Variants in DOCK9 observed in about 807,000 individuals in gnomAD.
DOCK9 encodes dedicator of cytokinesis protein 9.
In DOCK9, 89 loss-of-function variants were observed where a neutral mutation model predicts 263.3. The observed-to-expected ratio is 0.34, with a 90% CI of 0.28 to 0.40. The LOEUF is 0.40. Among genes scored for constraint, DOCK9 ranks in the 10% least tolerant of loss-of-function variants. The pLI is 1.00. For missense variants in DOCK9, 2,140 were observed against 2,603.4 expected, an observed-to-expected ratio of 0.82 and a Z score of 3.87; for synonymous variants, 976 against 973.1, an observed-to-expected ratio of 1.00 and a Z score of -0.06.
chr13:99,044,620 C>T (rs1888782945), intron 1 of DOCK9, among the ~76,000 whole-genome samples: 1 of 152,094 alleles, frequency 6.6e-6, no homozygotes, highest in African/African-American at 2.4e-5. Flanking sequence ...TAAAAATGTG[C>T]AAATTTTGCC....
At chr13:99,027,627 T>C (rs1485452307) in intron 1 of DOCK9, among the ~76,000 whole-genome samples, 1 of 152,222 alleles carries the variant, frequency 6.6e-6, no homozygotes, top group Non-Finnish European at 1.5e-5. Context: ...ATACGGTAAA[T>C]GTGTGTAAAA....
intron 1 of DOCK9, among the ~76,000 whole-genome samples, chr13:99,021,769 A>G (rs1886138535): frequency 1.3e-5 from 2 of 152,098 alleles, no homozygotes; most frequent in Non-Finnish European, 2.9e-5. Context: ...CAAACACCGC[A>G]TGTTCTCATA....
intron 1 of DOCK9, among the ~76,000 whole-genome samples, chr13:99,080,481 G>C: frequency 6.6e-6 from 1 of 152,306 alleles, no homozygotes; most frequent in Non-Finnish European, 1.5e-5. Flanking sequence ...TGTGTTCTCA[G>C]CCAATCAATG....
At chr13:98,894,527 T>C (rs1256880444) in intron 15 of DOCK9, among the ~76,000 whole-genome samples, 2 of 152,130 alleles carry the variant, frequency 1.3e-5, no homozygotes, top group Non-Finnish European at 2.9e-5. Context: ...TCCTTAATAA[T>C]ATAGTGTATT....
chr13:98,879,141 A>G (rs1228483122), intron 27 of DOCK9, among the ~76,000 whole-genome samples: 8 of 152,194 alleles, frequency 5.3e-5, no homozygotes, highest in African/African-American at 1.7e-4. Context: ...TGTTTACTAC[A>G]TTGGAACTTT....
chr13:99,069,504 T>C (rs2142358440), intron 1 of DOCK9, among the ~76,000 whole-genome samples: 1 of 152,332 alleles, frequency 6.6e-6, no homozygotes, highest in South Asian at 2.1e-4. Context: ...CACACAAGTG[T>C]AAACAAAGTA....
chr13:98,928,022 A>AC (rs2053313710), intron 3 of DOCK9, among the ~76,000 whole-genome samples: 3 of 151,514 alleles, frequency 2.0e-5, no homozygotes, highest in Middle Eastern at 3.4e-3. Context: ...AAAAAAAACA[A>AC]AAAAAAACTC....
At chr13:98,976,908 TG>T (rs2060330867) in intron 1 of DOCK9, among the ~76,000 whole-genome samples, 1 of 149,578 alleles carries the variant, frequency 6.7e-6, no homozygotes, top group African/African-American at 2.5e-5. Context: ...AAACACTTCA[TG>T]GTAACATCAA....
chr13:98,978,271 G>C (rs1178027551), upstream of DOCK9, among the ~76,000 whole-genome samples: 3 of 152,248 alleles, frequency 2.0e-5, no homozygotes, highest in Admixed American at 1.3e-4. Flanking sequence ...ATACTGCAGT[G>C]TTTAAAAGAA....
intron 2 of DOCK9, chr13:98,950,329 TG>T: frequency 2.4e-6 from 2 of 832,698 alleles, no homozygotes; most frequent in Non-Finnish European, 2.0e-6. Context: ...TCCTTTCTTC[TG>T]CTCCTTCTTT....
At position 98,860,169 on chromosome 13, in the gene DOCK9, G is replaced by T. The variant is rs1395117083; in HGVS notation, c.3697+236C>A. On this transcript the variant is annotated intron_variant, in intron 33 of 52. Transcript: ENST00000682017. ...AAACGTTGAACAAAAAGCAAACAGCGTGAGCCAGTGATTAACTGTATGATC... is the reference window on the plus strand; with the variant it reads ...AAACGTTGAACAAAAAGCAAACAGCTTGAGCCAGTGATTAACTGTATGATC... 2.2e-6 allele frequency: 3 copies of T among 1,347,384 alleles called. No individual in the cohort carries two copies. The African/African-American group carries it at 4.4e-5, about 20-fold the overall frequency. The allele number at this position is 1,347,384 out of a possible 1,614,324, so 83.5% of individuals were successfully genotyped here.
In DOCK9 at chr13:98,794,752, G is replaced by T. The variant is rs753442874; in HGVS notation, c.6157-4C>A. On this transcript the variant is annotated splice_polypyrimidine_tract_variant and splice_region_variant and intron_variant, in intron 52 of 52. Transcript: ENST00000682017. ...TCTTCTCCTCCAGGGGGCAGATCTTGAGGACAGAAACACAACGTTACTGAG... is the reference window on the plus strand; with the variant it reads ...TCTTCTCCTCCAGGGGGCAGATCTTTAGGACAGAAACACAACGTTACTGAG... 2 of 1,613,784 alleles carry T rather than the reference G, an allele frequency of 1.2e-6. No homozygotes were observed. Among genetic ancestry groups the T allele is most frequent in the Non-Finnish European group, 1.7e-6 (2 of 1,179,784 alleles).
At chr13:98,869,177 A>T (rs1366918441) in intron 27 of DOCK9, among the ~76,000 whole-genome samples, 1 of 152,258 alleles carries the variant, frequency 6.6e-6, no homozygotes, top group Non-Finnish European at 1.5e-5. Context: ...GTCTTCTCAC[A>T]ATCAACTTTA....
At chr13:99,075,585 GA>G (rs1175548528) in intron 1 of DOCK9, among the ~76,000 whole-genome samples, 1 of 151,512 alleles carries the variant, frequency 6.6e-6, no homozygotes, top group East Asian at 1.9e-4. Context: ...AGGCTGGTCT[GA>G]AACTCCTGGG....
Position 98,875,538 on chromosome 13 carries a change from C to T in DOCK9, c.2943+4360G>A, listed in dbSNP as rs1313976100. Among the ~76,000 whole-genome samples, 3 of 152,162 alleles carry T rather than the reference C, an allele frequency of 2.0e-5. No individual in the cohort carries two copies. In the East Asian group the frequency reaches 5.8e-4, roughly 29 times the overall value. On this transcript the variant is annotated intron_variant, in intron 27 of 52. Transcript: ENST00000682017. ...TTCTTCCAGTATACCTGTGGAATGCCAGCAATGTGCTTCACTCCATGTGGG... is the reference window on the plus strand; with the variant it reads ...TTCTTCCAGTATACCTGTGGAATGCTAGCAATGTGCTTCACTCCATGTGGG...
rs1397932564 is a variant in DOCK9, at chr13:98,901,800, A to G, written c.1481T>C (p.Met494Thr). 6.2e-7 allele frequency: 1 copy of G among 1,612,836 alleles called. No homozygotes were observed. Among genetic ancestry groups the G allele is most frequent in the South Asian group, 1.1e-5 (1 of 90,704 alleles). ...TACCTTAGAAGAGTCTGAACTTTTC[A>G]TATATGGCTCAGCGCAATGTGTGAT... ...GSITHCAEPY[M>T]KSSDSSKVAQ... Residue 494 changes from methionine to threonine, a missense_variant, in exon 13 of 53, where the codon ATG becomes ACG. Met to Thr is a moderately conservative substitution (Grantham distance 81). This residue lies in a region of DOCK9 where 1,521 missense variants were observed against 1,741.7 expected (regional missense o/e 0.87). Coordinates refer to ENST00000682017, the MANE Select transcript of DOCK9 (RefSeq NM_001366683.2).
intron 45 of DOCK9, among the ~76,000 whole-genome samples, chr13:98,824,150 G>A (rs2092422837): frequency 1.3e-5 from 2 of 152,236 alleles, no homozygotes; most frequent in Non-Finnish European, 2.9e-5. Flanking sequence ...CAAGCACTGA[G>A]CCTCACTTCA....
rs558042825 is a variant in DOCK9, at chr13:98,993,618, G to A, written c.130-38067C>T. On this transcript the variant is annotated intron_variant, in intron 1 of 32. Transcript: ENST00000427887. ...AGGAATACTTCCACTAGGTGGTGGC[G>A]GGCACCTGTAGTCCCTGGAGGCTGA... 3.9e-5 allele frequency among the ~76,000 whole-genome samples: 6 copies of A among 152,282 alleles called. No individual in the cohort carries two copies. In the South Asian group the frequency reaches 8.3e-4, roughly 21 times the overall value.
chr13:99,017,504 A>G (rs572318489), intron 1 of DOCK9, among the ~76,000 whole-genome samples: 1 of 152,374 alleles, frequency 6.6e-6, no homozygotes, highest in Admixed American at 6.5e-5. Flanking sequence ...GCCAGGGAAT[A>G]TTATTTGAGA....
Sources: allele counts gnomAD v4.1 joint callset (sites outside exome capture counted in the v4.1 genomes callset), GRCh38; gene constraint gnomAD v4.1.1; regional missense constraint gnomAD v4.1.1; transcripts MANE v1.5; gene names NCBI Gene and HGNC (gene_info 2026-07-23, HGNC 2026-07-21).